The following LRBA variants were observed in gnomAD, a reference collection of about 807,000 sequenced individuals.
LRBA encodes the protein LPS responsive beige-like anchor protein, also known as lipopolysaccharide-responsive and beige-like anchor protein.
LRBA carries 176 observed loss-of-function variants against 330.0 expected under a neutral mutation model. The ratio of observed to expected loss-of-function variants is 0.53; its 90% CI spans 0.47 to 0.60. The LOEUF (loss-of-function observed/expected upper bound fraction) is 0.60. LRBA is among the 20% of genes least tolerant of loss of function. The probability of loss-of-function intolerance (pLI) is 0.00; values close to 1 mark genes in which losing one functional copy is unlikely to be tolerated. For synonymous variants in LRBA, 1,230 were observed against 1,193.0 expected (o/e 1.03, Z -0.64); for missense variants, 3,259 against 3,444.8 (o/e 0.95, Z 1.35).
In LRBA at chr4:150,265,106, A is replaced by G. The variant is rs1745141371; in HGVS notation, c.*616T>C. The G allele has an allele frequency of 6.5e-6, 1 of 152,798 alleles. No individual in the cohort carries two copies. Among genetic ancestry groups the G allele is most frequent in the Non-Finnish European group, 1.5e-5 (1 of 68,128 alleles). 9.5% of individuals were successfully genotyped at this position (152,798 alleles called of 1,614,324 possible). ...AACTATTTCACACTTGCTATAAATT[A>G]GATTCCTTGTGCTAACCACACAATA... On this transcript the variant is annotated 3_prime_UTR_variant, in exon 57 of 57. Transcript: ENST00000651943.
intron 37 of LRBA, among the ~76,000 whole-genome samples, chr4:150,606,924 T>C (rs1774701224): frequency 1.3e-5 from 2 of 152,200 alleles, no homozygotes; most frequent in Admixed American, 1.3e-4. Flanking sequence ...AAACTGCCAC[T>C]TAATAAATAA....
At chr4:150,682,786 T>A (rs2126912390) in intron 37 of LRBA, among the ~76,000 whole-genome samples, 1 of 152,204 alleles carries the variant, frequency 6.6e-6, no homozygotes, top group Admixed American at 6.5e-5. Flanking sequence ...TGGTCAAAAA[T>A]TAGAAATTAA....
At chr4:150,683,744 T>C (rs1783261933) in intron 36 of LRBA, 27 bp from the exon 37 acceptor site, 2 of 1,512,614 alleles carry the variant, frequency 1.3e-6, no homozygotes, top group Non-Finnish European at 1.8e-6. Context: ...AATAATACTA[T>C]AAAAAATGTG....
chr4:150,690,961 G>C (rs1318614466), intron 36 of LRBA, among the ~76,000 whole-genome samples: 4 of 126,134 alleles, frequency 3.2e-5, no homozygotes, highest in Non-Finnish European at 3.2e-5. Flanking sequence ...ACAGAGTCTC[G>C]CTCTGTCGCC....
rs1771735419 is a variant in LRBA at position 150,583,838 on chromosome 4, A to G, written c.6330+4210T>C. ...CTGGAGCTACCCGGCCAGCCGCTCAACAACTACCACATGAAGACGCTGCTG... is the reference window on the plus strand; with the variant it reads ...CTGGAGCTACCCGGCCAGCCGCTCAGCAACTACCACATGAAGACGCTGCTG... On this transcript the variant is annotated intron_variant, in intron 40 of 56. Transcript: ENST00000651943. This position sits in a 1 kb window ranked among gnomAD's most constrained non-coding sequence, Gnocchi z 9.8. 6.2e-7 allele frequency: 1 copy of G among 1,614,102 alleles called. No homozygotes were observed. Among genetic ancestry groups the G allele is most frequent in the Admixed American group, 1.7e-5 (1 of 60,004 alleles).
At chr4:150,969,733 G>C (rs533290393) in intron 2 of LRBA, among the ~76,000 whole-genome samples, 7 of 152,202 alleles carry the variant, frequency 4.6e-5, no homozygotes, top group Non-Finnish European at 1.0e-4. Flanking sequence ...GCCTCCCAAA[G>C]TGCTGAGATT....
At chr4:150,840,999 G>A (rs939815677) in intron 28 of LRBA, 109 of 1,254,892 alleles carry the variant, frequency 8.7e-5, no homozygotes, top group Non-Finnish European at 1.1e-4. Context: ...TTTGTGATCC[G>A]TGATCTGACA....
intron 37 of LRBA, among the ~76,000 whole-genome samples, chr4:150,625,633 T>C (rs1181752754): frequency 6.6e-6 from 1 of 151,350 alleles, no homozygotes; most frequent in Non-Finnish European, 1.5e-5. Flanking sequence ...GGAAGCTTTA[T>C]AAAAATATTC....
chr4:150,464,690 C>G (rs1755217604), intron 44 of LRBA, among the ~76,000 whole-genome samples: 1 of 152,030 alleles, frequency 6.6e-6, no homozygotes, highest in East Asian at 1.9e-4. Flanking sequence ...GGCAGGTCAG[C>G]TGAGGACTAG....
intron 37 of LRBA, among the ~76,000 whole-genome samples, chr4:150,647,018 C>T (rs1260831778): frequency 1.3e-5 from 2 of 152,102 alleles, no homozygotes; most frequent in East Asian, 3.9e-4. Flanking sequence ...GAACGAAGAA[C>T]ATGGTCCTGA....
chr4:150,402,529 T>C (rs939323692), intron 47 of LRBA, among the ~76,000 whole-genome samples: 1 of 152,126 alleles, frequency 6.6e-6, no homozygotes, highest in Admixed American at 6.5e-5. Flanking sequence ...TCACGGCATT[T>C]AATACAATAA....
At chr4:150,639,811 GTGTGTGTGTA>G (rs1263869141) in intron 37 of LRBA, among the ~76,000 whole-genome samples, 452 of 13,828 alleles carry the variant, frequency 0.033, 58 homozygotes, top group African/African-American at 0.16. Flanking sequence ...ATATATGTGT[GTGTGTGTGTA>G]TATATATATA....
chr4:150,993,012 T>C (rs1044822085), intron 2 of LRBA, among the ~76,000 whole-genome samples: 1 of 152,192 alleles, frequency 6.6e-6, no homozygotes, highest in African/African-American at 2.4e-5. Flanking sequence ...CCGGGTGCAG[T>C]GGCTCACACC....
chr4:150,809,546 G>A (rs13128052), intron 31 of LRBA, among the ~76,000 whole-genome samples: 104,943 of 152,066 alleles, frequency 0.69, 42,027 homozygotes, highest in Non-Finnish European at 0.9. Flanking sequence ...GTGAAACTCC[G>A]TCTCAAAAAA....
At chr4:150,474,031 C>T (rs893393585) in intron 42 of LRBA, among the ~76,000 whole-genome samples, 3 of 152,152 alleles carry the variant, frequency 2.0e-5, no homozygotes, top group Non-Finnish European at 2.9e-5. Context: ...TTTAGTGTCA[C>T]ATCTGAGAAC....
rs1554070749 is a variant in LRBA at position 150,639,767 on chromosome 4, A to ATATGTG, written c.5922-40637_5922-40636insCACATA. On this transcript the variant is annotated intron_variant, in intron 37 of 56. Coordinates refer to ENST00000651943, the MANE Select transcript of LRBA (RefSeq NM_001364905.1). ...TATATATATATATATATATATATATATATATATATATATATGTGTGTGTGT... is the reference window on the plus strand; with the variant it reads ...TATATATATATATATATATATATATATATGTGTATATATATATATATGTGTGTGTGT... Among the ~76,000 whole-genome samples the ATATGTG allele has an allele frequency of 8.9e-4, 6 of 6,766 alleles. 1 individual carries two copies. Among genetic ancestry groups the ATATGTG allele is most frequent in the African/African-American group, 2.4e-3 (6 of 2,512 alleles). 4.4% of individuals were successfully genotyped at this position (6,766 alleles called of 152,430 possible).
intron 30 of LRBA, among the ~76,000 whole-genome samples, chr4:150,818,789 C>T (rs1744993791): frequency 1.3e-5 from 2 of 152,032 alleles, no homozygotes; most frequent in Admixed American, 6.6e-5. Context: ...TTTACTCATA[C>T]TGTAAGTAGG....
chr4:150,768,152 AG>A (rs1221002134), intron 34 of LRBA, among the ~76,000 whole-genome samples: 1 of 150,960 alleles, frequency 6.6e-6, no homozygotes, highest in Non-Finnish European at 1.5e-5. Context: ...GAGAATAAAG[AG>A]GGGGCAACAG....
intron 36 of LRBA, among the ~76,000 whole-genome samples, chr4:150,716,227 T>G (rs1304791789): frequency 6.6e-6 from 1 of 152,088 alleles, no homozygotes; most frequent in Non-Finnish European, 1.5e-5. Context: ...GGCAGATGGA[T>G]CACGAGCTCA....
Sources: allele counts gnomAD v4.1 joint callset (sites outside exome capture counted in the v4.1 genomes callset), GRCh38; gene constraint gnomAD v4.1.1; non-coding constraint Gnocchi (gnomAD v3.1); transcripts MANE v1.5; gene names NCBI Gene and HGNC (gene_info 2026-07-23, HGNC 2026-07-21).